The following AADACL3 variants were observed in gnomAD, a reference collection of about 807,000 sequenced individuals.
AADACL3 encodes arylacetamide deacetylase like 3.
A neutral mutation model predicts 13.6 loss-of-function variants in AADACL3; 13 were observed. The ratio of observed to expected loss-of-function variants is 0.95; its 90% CI spans 0.62 to 1.52. The LOEUF (loss-of-function observed/expected upper bound fraction) is 1.52. Among genes scored for constraint, AADACL3 ranks in the 40% most tolerant of loss-of-function variants. AADACL3 has a pLI of 0.00. For synonymous variants in AADACL3, 195 were observed against 197.0 expected, an observed-to-expected ratio of 0.99 and a Z score of 0.08; for missense variants, 519 against 499.2, an observed-to-expected ratio of 1.04 and a Z score of -0.38.
intron 3 of AADACL3, among the ~76,000 whole-genome samples, chr1:12,723,061 G>A (rs1040210587): frequency 6.6e-6 from 1 of 151,860 alleles, no homozygotes; most frequent in Non-Finnish European, 1.5e-5. Context: ...TAGTAGAGAC[G>A]AGGTCTTGCC....
At position 12,716,267 on chromosome 1, in the gene AADACL3, G is replaced by A. The variant is rs541900788; in HGVS notation, c.91G>A (p.Val31Met). Residue 31 changes from valine to methionine, a missense_variant, in exon 1 of 4, where the codon GTG becomes ATG. Val to Met is a conservative substitution (Grantham distance 21). Transcript: ENST00000359318. ...LWVICSHFFT[V>M]HIPAAVGHPV... The stretch of plus-strand genomic sequence containing the variant: ...GGTCATTTGCAGCCATTTTTTCACT[G>A]TGCACATCCCTGCAGCGGTTGGCCA... The A allele has an allele frequency of 2.0e-4, 326 of 1,596,258 alleles. 5 individuals carry two copies. In the South Asian group the frequency reaches 3.5e-3, roughly 17 times the overall value.
In AADACL3 at chr1:12,720,927, T is replaced by C. The variant is rs375991061; in HGVS notation, c.430T>C (p.Ser144Pro). Reference protein sequence around the residue: ...ICSRLCKESDSVVLAVGYRKL... With the variant: ...ICSRLCKESDPVVLAVGYRKL... ...CTCTCGTTTGTGCAAGGAGAGTGAC[T>C]CCGTGGTTCTGGCAGTTGGGTGAGT... The change falls in exon 3 of 4, where the codon TCC becomes CCC. Residue 144 changes from serine to proline, a missense_variant. By Grantham distance (74) the Ser-to-Pro change is moderately conservative. Coordinates refer to ENST00000359318, the MANE Select transcript of AADACL3 (RefSeq NM_001103170.3). The C allele has an allele frequency of 3.7e-6, 6 of 1,609,702 alleles. No individual in the cohort carries two copies. Among genetic ancestry groups the C allele is most frequent in the African/African-American group, 2.7e-5 (2 of 74,424 alleles).
Position 12,725,342 on chromosome 1 carries a change from CGGTGACAGTTTCGGA to C in AADACL3, c.573_587del (p.Asp192_Gly196del). 1 of 1,614,068 alleles carries C rather than the reference CGGTGACAGTTTCGGA, an allele frequency of 6.2e-7. No homozygotes were observed. The highest frequency in any genetic ancestry group is 2.2e-5 in the East Asian group (1 of 44,860). ...TGGATCCAGCCCGGGTTGTGGTCTG[CGGTGACAGTTTCGGA>C]GGGGCAATAGCCGCAGTGGTTTGTC... On this transcript the variant is annotated inframe_deletion, in exon 4 of 4. Transcript: ENST00000359318.
chr1:12,720,899 A>G lies in AADACL3; in HGVS notation c.402A>G (p.Ile134Met). 1 of 1,609,448 alleles carries G rather than the reference A, an allele frequency of 6.2e-7. No homozygotes were observed. Among genetic ancestry groups the G allele is most frequent in the Non-Finnish European group, 8.5e-7 (1 of 1,177,036 alleles). ...VMGSLKTHHG[I>M]CSRLCKESDS... ...ATTTTCTAGAAACCCACCATGGCAT[A>G]TGCTCTCGTTTGTGCAAGGAGAGTG... The change falls in exon 3 of 4, where the codon ATA becomes ATG. Residue 134 changes from isoleucine (I) to methionine (M), a missense_variant. Physicochemically the swap from Ile to Met is conservative, Grantham distance 10. Transcript: ENST00000359318.
intron 3 of AADACL3, among the ~76,000 whole-genome samples, chr1:12,724,783 C>A (rs1469451881): frequency 6.6e-6 from 1 of 152,204 alleles, no homozygotes; most frequent in Non-Finnish European, 1.5e-5. Context: ...ACCGGCCTGG[C>A]CAACCTGCTG....
Position 12,720,814 on chromosome 1 carries a change from A to C in AADACL3, c.386-69A>C, listed in dbSNP as rs367820626. 2.7e-3 allele frequency: 3,830 copies of C among 1,392,918 alleles called. 12 individuals carry two copies. The highest frequency in any genetic ancestry group is 2.9e-3 in the Non-Finnish European group (2,877 of 989,748). 86.3% of individuals were successfully genotyped at this position (1,392,918 alleles called of 1,614,324 possible). A position where few individuals can be genotyped will look rare whatever the true frequency, so the allele number is the denominator to read the frequency against. On this transcript the variant is annotated intron_variant, in intron 2 of 3. Coordinates refer to ENST00000359318, the MANE Select transcript of AADACL3 (RefSeq NM_001103170.3). ...TCGGCCCAAGTGCTGTGTCTGTAGGAAGAAGACGGTGACAATGGCTGGCAA... is the reference window on the plus strand; with the variant it reads ...TCGGCCCAAGTGCTGTGTCTGTAGGCAGAAGACGGTGACAATGGCTGGCAA...
At chr1:12,721,364 C>G (rs1049239963) in intron 3 of AADACL3, among the ~76,000 whole-genome samples, 39 of 152,220 alleles carry the variant, frequency 2.6e-4, no homozygotes, top group Admixed American at 1.8e-3. Context: ...CCACTACACT[C>G]AGCCTGGGTG....
chr1:12,721,157 C>T (rs535790463), intron 3 of AADACL3, among the ~76,000 whole-genome samples: 114 of 152,204 alleles, frequency 7.5e-4, no homozygotes, highest in Non-Finnish European at 1.3e-3. Flanking sequence ...AATCCCAACA[C>T]TTTGGGAGGC....
At chr1:12,725,037 G>A (rs941431214) in intron 3 of AADACL3, among the ~76,000 whole-genome samples, 185 bp from the exon 4 acceptor site, 1 of 152,174 alleles carries the variant, frequency 6.6e-6, no homozygotes, top group African/African-American at 2.4e-5. Flanking sequence ...TGAGACAGTA[G>A]GAATGGCACC....
intron 2 of AADACL3, 68 bp downstream of exon 2, chr1:12,719,759 C>A: frequency 7.0e-7 from 1 of 1,437,912 alleles, no homozygotes; most frequent in Non-Finnish European, 9.7e-7. Flanking sequence ...GAAGAATGGG[C>A]ATCTTCCTGG....
At chr1:12,716,728 A>T (rs1648444840) in intron 1 of AADACL3, among the ~76,000 whole-genome samples, 1 of 152,194 alleles carries the variant, frequency 6.6e-6, no homozygotes, top group African/African-American at 2.4e-5. Flanking sequence ...TTTTAAGTGT[A>T]CCTTTCACGT....
At chr1:12,723,508 C>T (rs1389580506) in intron 3 of AADACL3, among the ~76,000 whole-genome samples, 1 of 152,118 alleles carries the variant, frequency 6.6e-6, no homozygotes. Context: ...GATGGGATCT[C>T]ACCCTGTCAC....
chr1:12,724,740 C>A (rs59060508), intron 3 of AADACL3, among the ~76,000 whole-genome samples: 19,653 of 152,204 alleles, frequency 0.13, 2,221 homozygotes, highest in African/African-American at 0.31. Flanking sequence ...CCCATCTCAG[C>A]CTCCCAAAGT....
At position 12,716,242 on chromosome 1, in the gene AADACL3, G is replaced by A; in HGVS notation, c.66G>A (p.Trp22Ter). Reference protein sequence around the residue: ...ACVFSLGVTLWVICSHFFTVH... With the variant: ...ACVFSLGVTL ...TGTTCTCACTAGGGGTCACTCTGTG[G>A]GTCATTTGCAGCCATTTTTTCACTG... The change falls in exon 1 of 4, where the codon TGG becomes TGA. Residue 22 changes from tryptophan (W) to a stop codon, truncating the protein, a stop_gained. Transcript: ENST00000359318. LOFTEE classifies it high-confidence loss of function. 6.7e-7 allele frequency: 1 copy of A among 1,490,146 alleles called. No homozygotes were observed. The highest frequency in any genetic ancestry group is 1.1e-5 in the South Asian group (1 of 88,588). 92.3% of individuals were successfully genotyped at this position (1,490,146 alleles called of 1,614,324 possible).
chr1:12,726,972 G>A lies in AADACL3; in HGVS notation c.*976G>A, dbSNP rs1164046703. 9.8e-5 allele frequency: 15 copies of A among 152,344 alleles called. No homozygotes were observed. The highest frequency in any genetic ancestry group is 9.8e-4 in the Admixed American group (15 of 15,272). The allele number at this position is 152,344 out of a possible 1,614,324, so 9.4% of individuals were successfully genotyped here. A position where few individuals can be genotyped will look rare whatever the true frequency, so the allele number is the denominator to read the frequency against. ...ATACATCAGGCAAGGTTTGATCCAG[G>A]AACTCACACAGTGCCATCAGCTGTC... is the stretch of plus-strand genomic sequence containing the variant. On this transcript the variant is annotated 3_prime_UTR_variant, in exon 4 of 4. Coordinates refer to ENST00000359318, the MANE Select transcript of AADACL3 (RefSeq NM_001103170.3).
At chr1:12,720,846 C>G (rs1411144513) in intron 2 of AADACL3, 37 bp from the exon 3 acceptor site, 5 of 1,579,802 alleles carry the variant, frequency 3.2e-6, no homozygotes, top group African/African-American at 2.7e-5. Flanking sequence ...GCAAAGGAAG[C>G]CTTCCTAGTG....
At position 12,725,386 on chromosome 1, in the gene AADACL3, A is replaced by G; in HGVS notation, c.614A>G (p.Gln205Arg). 3 of 1,614,130 alleles carry G rather than the reference A, an allele frequency of 1.9e-6. No homozygotes were observed. Among genetic ancestry groups the G allele is most frequent in the Non-Finnish European group, 1.7e-6 (2 of 1,180,012 alleles). ...GGAIAAVVCQ[Q>R]LVDRPDLPRI... ...GCAATAGCCGCAGTGGTTTGTCAACAACTTGTGGACAGGCCAGATCTGCCC... is the reference window on the plus strand; with the variant it reads ...GCAATAGCCGCAGTGGTTTGTCAACGACTTGTGGACAGGCCAGATCTGCCC... Residue 205 changes from glutamine to arginine, a missense_variant, in exon 4 of 4, where the codon CAA becomes CGA. By Grantham distance (43) the Gln-to-Arg change is conservative. Coordinates refer to ENST00000359318, the MANE Select transcript of AADACL3 (RefSeq NM_001103170.3).
chr1:12,720,335 G>C (rs1648547912), intron 2 of AADACL3, among the ~76,000 whole-genome samples: 1 of 152,156 alleles, frequency 6.6e-6, no homozygotes, highest in Non-Finnish European at 1.5e-5. Flanking sequence ...TTAATGCAAT[G>C]GTGGTGTGGT....
At position 12,725,289 on chromosome 1, in the gene AADACL3, T is replaced by A. The variant is rs773553990; in HGVS notation, c.517T>A (p.Phe173Ile). 8.7e-6 allele frequency: 14 copies of A among 1,614,022 alleles called. No homozygotes were observed. The South Asian group carries it at 9.9e-5, about 11-fold the overall frequency. ...VRDCLVATIH[F>I]LKSLDAYGVD... ...AGACTGCTTGGTGGCCACCATCCAC[T>A]TCCTGAAGTCCCTGGATGCATATGG... The change falls in exon 4 of 4, where the codon TTC becomes ATC. Residue 173 changes from phenylalanine to isoleucine, a missense_variant. By Grantham distance (21) the Phe-to-Ile change is conservative (BLOSUM62 0). Transcript: ENST00000359318.
Sources: allele counts gnomAD v4.1 joint callset (sites outside exome capture counted in the v4.1 genomes callset), GRCh38; gene constraint gnomAD v4.1.1; transcripts MANE v1.5; gene names NCBI Gene and HGNC (gene_info 2026-07-23, HGNC 2026-07-21).